CACNA1D: variants seen among roughly 807,000 people sequenced by gnomAD.
CACNA1D encodes voltage-dependent L-type calcium channel subunit alpha-1D.
Under a neutral mutation model 257.1 loss-of-function variants are expected in CACNA1D, and 55 were observed. The observed-to-expected ratio is 0.21, with a 90% CI of 0.17 to 0.27. CACNA1D has a LOEUF of 0.27. CACNA1D is among the 10% of genes least tolerant of loss of function. CACNA1D has a pLI of 1.00. For missense variants in CACNA1D, 1,876 were observed against 2,784.0 expected (o/e 0.67, Z 7.34); for synonymous variants, 980 against 1,014.9 (o/e 0.97, Z 0.65).
At chr3:53,717,459 G>A (rs994522990) in intron 9 of CACNA1D, among the ~76,000 whole-genome samples, 2 of 152,204 alleles carry the variant, frequency 1.3e-5, no homozygotes, top group African/African-American at 2.4e-5. Flanking sequence ...AAAGACGCTC[G>A]TGCACCAGAT....
chr3:53,564,341 A>G (rs1483282129), intron 3 of CACNA1D, among the ~76,000 whole-genome samples: 1 of 152,070 alleles, frequency 6.6e-6, no homozygotes, highest in Non-Finnish European at 1.5e-5. Context: ...TTGTATTTTT[A>G]GTAGATACAG....
intron 3 of CACNA1D, among the ~76,000 whole-genome samples, chr3:53,595,174 A>G (rs2093354883): frequency 1.3e-5 from 2 of 152,238 alleles, no homozygotes; most frequent in African/African-American, 4.8e-5. Context: ...AGTAAGGAGT[A>G]TAATCTTTGT....
At chr3:53,567,803 T>C (rs2092873608) in intron 3 of CACNA1D, among the ~76,000 whole-genome samples, 1 of 152,250 alleles carries the variant, frequency 6.6e-6, no homozygotes, top group African/African-American at 2.4e-5. Flanking sequence ...GCCTGGGCTG[T>C]ATACACTGTG....
chr3:53,521,649 T>A (rs2091581101), intron 3 of CACNA1D, among the ~76,000 whole-genome samples: 1 of 151,968 alleles, frequency 6.6e-6, no homozygotes, highest in Non-Finnish European at 1.5e-5. Flanking sequence ...ATTGGTAGGC[T>A]CTGAAGCACA....
chr3:53,661,058 A>G (rs922776766), intron 5 of CACNA1D, among the ~76,000 whole-genome samples: 2 of 152,358 alleles, frequency 1.3e-5, no homozygotes, highest in Admixed American at 1.3e-4. Flanking sequence ...CAACAGCTGC[A>G]GCCTCTTATC....
At chr3:53,642,013 T>C (rs1263738401) in intron 3 of CACNA1D, among the ~76,000 whole-genome samples, 2 of 152,130 alleles carry the variant, frequency 1.3e-5, no homozygotes, top group African/African-American at 4.8e-5. Flanking sequence ...CATTTGCAGG[T>C]GACAAAAACT....
At chr3:53,718,732 G>C in intron 10 of CACNA1D, 2 of 1,555,664 alleles carry the variant, frequency 1.3e-6, no homozygotes, top group East Asian at 2.4e-5. Flanking sequence ...TCTGGGTGTC[G>C]GCGGTGGGGG....
At chr3:53,570,487 A>G (rs1254413062) in intron 3 of CACNA1D, among the ~76,000 whole-genome samples, 2 of 152,240 alleles carry the variant, frequency 1.3e-5, no homozygotes, top group African/African-American at 2.4e-5. Context: ...ATACAAATTC[A>G]ACATAGGCTT....
rs542148046 is a variant in CACNA1D, at chr3:53,725,224, T to G, written c.2100+1225T>G. On this transcript the variant is annotated intron_variant, in intron 14 of 47. Transcript: ENST00000350061. ...CAGGAGCTCACTGTACGTGCTGTTT[T>G]GCATCTTGCTTTTATCACTTTGAGT... Among the ~76,000 whole-genome samples, 53 of 152,332 alleles carry G rather than the reference T, an allele frequency of 3.5e-4. 1 individual carries two copies. The highest frequency in any genetic ancestry group is 1.2e-3 in the African/African-American group (51 of 41,574).
At chr3:53,585,350 G>C (rs1291662112) in intron 3 of CACNA1D, among the ~76,000 whole-genome samples, 1 of 152,126 alleles carries the variant, frequency 6.6e-6, no homozygotes, top group East Asian at 1.9e-4. Flanking sequence ...ACAATGCATA[G>C]CATAGATTTG....
At position 53,723,566 on chromosome 3, in the gene CACNA1D, C is replaced by T. The variant is rs755476967; in HGVS notation, c.1799C>T (p.Thr600Ile). 6 of 1,614,122 alleles carry T rather than the reference C, an allele frequency of 3.7e-6. No individual in the cohort carries two copies. The African/African-American group carries it at 4.0e-5, about 11-fold the overall frequency. Residue 600 changes from threonine (T) to isoleucine (I), a missense_variant, in exon 13 of 48, where the codon ACT (threonine) becomes ATT (isoleucine). Thr to Ile is a moderately conservative substitution (Grantham distance 89, BLOSUM62 -1). Transcript: ENST00000350061. The surrounding 1 kb of genome is among the most constrained non-coding windows in gnomAD (Gnocchi z 5.6). Reference protein sequence around the residue: ...FDCFVVCGGITETILVELEIM... With the variant: ...FDCFVVCGGIIETILVELEIM... The stretch of plus-strand genomic sequence containing the variant: ...TGCTTCGTGGTGTGTGGTGGAATCA[C>T]TGAGACGATCTTGGTGGAACTGGAA...
chr3:53,673,234 T>A lies in CACNA1D; in HGVS notation c.1220+108T>A. 2.8e-6 allele frequency: 2 copies of A among 715,904 alleles called. No individual in the cohort carries two copies. Among genetic ancestry groups the A allele is most frequent in the Non-Finnish European group, 4.9e-6 (2 of 406,034 alleles). 44.3% of individuals were successfully genotyped at this position (715,904 alleles called of 1,614,324 possible). On this transcript the variant is annotated intron_variant, in intron 8 of 47. Transcript: ENST00000350061. The surrounding 1 kb of genome is among the most constrained non-coding windows in gnomAD (Gnocchi z 4.1). ...CCAAGAGGGGTTGCCAGACATTTTA[T>A]GTGTCCTCTGAGATGCTTTCTTTTC...
intron 39 of CACNA1D, chr3:53,785,552 T>C (rs2095448254): frequency 6.6e-6 from 1 of 152,248 alleles, no homozygotes; most frequent in African/African-American, 2.4e-5. Flanking sequence ...TGGTTCTCCA[T>C]GTCCCCCAGC....
intron 20 of CACNA1D, among the ~76,000 whole-genome samples, chr3:53,735,877 G>A (rs1392481096): frequency 1.3e-5 from 2 of 152,212 alleles, no homozygotes; most frequent in African/African-American, 4.8e-5. Flanking sequence ...ACAGCAGGGA[G>A]GAAGCAGAAT....
chr3:53,597,594 T>C (rs944278288), intron 3 of CACNA1D, among the ~76,000 whole-genome samples: 2 of 152,126 alleles, frequency 1.3e-5, no homozygotes, highest in Admixed American at 1.3e-4. Flanking sequence ...TCATCCTGGG[T>C]TTCATATTTT....
At chr3:53,702,045 G>A (rs2094631048) in intron 8 of CACNA1D, among the ~76,000 whole-genome samples, 1 of 152,168 alleles carries the variant, frequency 6.6e-6, no homozygotes, top group Non-Finnish European at 1.5e-5. Flanking sequence ...TGGAGGGGGT[G>A]GGGACTGCCC....
intron 3 of CACNA1D, among the ~76,000 whole-genome samples, chr3:53,586,889 A>G (rs2107783413): frequency 6.6e-6 from 1 of 152,292 alleles, no homozygotes. Context: ...AGGACAAATA[A>G]GAGACGCTGG....
intron 3 of CACNA1D, among the ~76,000 whole-genome samples, chr3:53,642,035 A>G (rs542644373): frequency 7.2e-5 from 11 of 152,168 alleles, no homozygotes; most frequent in Non-Finnish European, 1.5e-4. Flanking sequence ...AACCCAAACT[A>G]GCTTAATTTG....
At chr3:53,684,099 A>G (rs1455264810) in intron 8 of CACNA1D, among the ~76,000 whole-genome samples, 1 of 151,974 alleles carries the variant, frequency 6.6e-6, no homozygotes, top group Non-Finnish European at 1.5e-5. Flanking sequence ...GTTTGCAGAT[A>G]TAGTGCAAGT....
Sources: allele counts gnomAD v4.1 joint callset (sites outside exome capture counted in the v4.1 genomes callset), GRCh38; gene constraint gnomAD v4.1.1; non-coding constraint Gnocchi (gnomAD v3.1); transcripts MANE v1.5; gene names NCBI Gene and HGNC (gene_info 2026-07-23, HGNC 2026-07-21).